The following MON2 variants were observed in gnomAD, a reference collection of about 807,000 sequenced individuals.
MON2 encodes the protein protein MON2 homolog.
A neutral mutation model predicts 208.6 loss-of-function variants in MON2; 84 were observed. The observed-to-expected ratio is 0.40, with a 90% CI of 0.34 to 0.48. The LOEUF is 0.48. Among genes scored for constraint, MON2 ranks in the 20% least tolerant of loss-of-function variants. The probability of loss-of-function intolerance (pLI) is 0.59; values close to 1 mark genes in which losing one functional copy is unlikely to be tolerated. For synonymous variants in MON2, 660 were observed against 694.0 expected, an observed-to-expected ratio of 0.95 and a Z score of 0.77; for missense variants, 1,611 against 2,015.4, an observed-to-expected ratio of 0.80 and a Z score of 3.84.
intron 25 of MON2, chr12:62,560,059 G>A (rs2074139212): frequency 6.6e-6 from 1 of 152,480 alleles, no homozygotes; most frequent in African/African-American, 2.4e-5. Context: ...TTTGGCAGAA[G>A]TTCTGGGAAA....
chr12:62,552,715 G>C (rs1410723126), intron 23 of MON2, among the ~76,000 whole-genome samples, 166 bp from the exon 24 acceptor site: 1 of 151,824 alleles, frequency 6.6e-6, no homozygotes, highest in African/African-American at 2.4e-5. Context: ...TAGAGACACT[G>C]ACAGAAGAAG....
intron 1 of MON2, chr12:62,470,840 G>A: frequency 1.5e-6 from 1 of 657,186 alleles, no homozygotes; most frequent in African/African-American, 2.0e-5. Context: ...AGAGCTTTTT[G>A]AAAGAGAGTA....
intron 4 of MON2, among the ~76,000 whole-genome samples, chr12:62,495,477 T>C (rs993383793): frequency 2.6e-5 from 4 of 151,142 alleles, no homozygotes; most frequent in Admixed American, 2.6e-4. Context: ...GATCACAAGG[T>C]TAGGAGATCA....
At chr12:62,483,207 G>C (rs78133957) in intron 1 of MON2, among the ~76,000 whole-genome samples, 4,920 of 151,876 alleles carry the variant, frequency 0.032, 283 homozygotes, top group African/African-American at 0.11. Context: ...TTTACACTTA[G>C]AGCATAGCTC....
At chr12:62,550,491 C>T (rs1019813436) in intron 23 of MON2, among the ~76,000 whole-genome samples, 1 of 152,126 alleles carries the variant, frequency 6.6e-6, no homozygotes, top group Non-Finnish European at 1.5e-5. Flanking sequence ...CACTGCACTC[C>T]AGCCTTGGCA....
chr12:62,553,916 A>G, intron 24 of MON2, among the ~76,000 whole-genome samples: 1 of 152,104 alleles, frequency 6.6e-6, no homozygotes. Flanking sequence ...GGGCATGGTG[A>G]CTGACACCTG....
At chr12:62,561,831 C>T (rs1037843873) in intron 26 of MON2, among the ~76,000 whole-genome samples, 1 of 152,062 alleles carries the variant, frequency 6.6e-6, no homozygotes. Context: ...AGATTCTGAT[C>T]ACACATGTTA....
In MON2 at chr12:62,548,361, G is replaced by A. The variant is rs183490040; in HGVS notation, c.2753+1289G>A. Among the ~76,000 whole-genome samples, 5 of 152,168 alleles carry A rather than the reference G, an allele frequency of 3.3e-5. No individual in the cohort carries two copies. In the East Asian group the frequency reaches 9.6e-4, roughly 29 times the overall value. ...GATGGTAGTATCATTAACTAAATAG[G>A]GAAAAGACAAGGAAGAGCAAATTTG... On this transcript the variant is annotated intron_variant, in intron 22 of 34. Transcript: ENST00000393630.
rs1309270292 is a variant in MON2 at position 62,544,918 on chromosome 12, T to C, written c.2487T>C (p.Ser829=). ...HLLEVCQHPN[S]RMREWGAEAL... ...TTCAGGTCTGCCAGCATCCAAACTC[T>C]CGAATGAGAGAATGGGGAGCAGAAG... The change falls in exon 21 of 35, where the codon TCT becomes TCC. Residue 829 remains serine, a synonymous_variant. Coordinates refer to ENST00000393630, the MANE Select transcript of MON2 (RefSeq NM_015026.3). 2.5e-6 allele frequency: 4 copies of C among 1,607,804 alleles called. No homozygotes were observed. Among genetic ancestry groups the C allele is most frequent in the African/African-American group, 1.3e-5 (1 of 74,558 alleles).
intron 25 of MON2, among the ~76,000 whole-genome samples, chr12:62,559,114 C>A (rs577053295): frequency 7.2e-5 from 11 of 152,258 alleles, no homozygotes; most frequent in Admixed American, 3.3e-4. Context: ...CTACTTCAAG[C>A]TTTTCTATTA....
chr12:62,572,508 T>G (rs528688238), intron 30 of MON2, among the ~76,000 whole-genome samples: 2 of 152,324 alleles, frequency 1.3e-5, no homozygotes, highest in South Asian at 4.1e-4. Flanking sequence ...TGCAGCAGTG[T>G]GATCACAGCT....
At chr12:62,495,689 CAAA>C (rs56155110) in intron 4 of MON2, among the ~76,000 whole-genome samples, 1,439 of 108,194 alleles carry the variant, frequency 0.013, 1 homozygote, top group Middle Eastern at 0.017. Flanking sequence ...GACTCCGTCT[CAAA>C]AAAAAAAAAA....
intron 11 of MON2, among the ~76,000 whole-genome samples, chr12:62,531,136 T>C (rs966161198): frequency 4.6e-5 from 7 of 152,220 alleles, no homozygotes; most frequent in African/African-American, 1.2e-4. Flanking sequence ...TTATCAGATA[T>C]GTGATTTGCA....
chr12:62,549,048 C>G, intron 22 of MON2, among the ~76,000 whole-genome samples: 1 of 152,048 alleles, frequency 6.6e-6, no homozygotes, highest in East Asian at 1.9e-4. Context: ...ACTTGCCATT[C>G]TCATTTATTG....
intron 1 of MON2, among the ~76,000 whole-genome samples, chr12:62,469,468 T>C (rs752353825): frequency 1.6e-4 from 25 of 152,248 alleles, no homozygotes; most frequent in Non-Finnish European, 3.7e-4. Context: ...CTCTGATGCA[T>C]AATTTTGTAT....
intron 14 of MON2, 68 bp from the exon 15 acceptor site, chr12:62,537,083 A>C: frequency 1.1e-6 from 1 of 929,946 alleles, no homozygotes; most frequent in Non-Finnish European, 1.6e-6. Flanking sequence ...CAAACTTTAA[A>C]TATAACATTA....
At chr12:62,578,175 T>C (rs1459415084) in intron 30 of MON2, among the ~76,000 whole-genome samples, 1 of 152,194 alleles carries the variant, frequency 6.6e-6, no homozygotes, top group Non-Finnish European at 1.5e-5. Flanking sequence ...TGTTTTTTCA[T>C]TCATAATATT....
chr12:62,571,348 GTA>G (rs1356470281), intron 29 of MON2, 42 bp from the exon 30 acceptor site: 12 of 1,318,004 alleles, frequency 9.1e-6, no homozygotes, highest in African/African-American at 1.5e-5. Flanking sequence ...AATTGTGTGT[GTA>G]TGTTTTAATT....
At chr12:62,479,468 G>C (rs1385062324) in intron 1 of MON2, among the ~76,000 whole-genome samples, 1 of 135,850 alleles carries the variant, frequency 7.4e-6, no homozygotes, top group East Asian at 2.4e-4. Context: ...TCTGCAGTTG[G>C]TTGAATCTGC....
Sources: gnomAD v4.1 joint callset for allele counts (sites outside exome capture counted in the v4.1 genomes callset) on GRCh38, gnomAD v4.1.1 for gene constraint, MANE v1.5 for transcripts, NCBI Gene and HGNC (gene_info 2026-07-23, HGNC 2026-07-21) for gene names.